KMT2C: variants seen among roughly 807,000 people sequenced by gnomAD.
KMT2C encodes the protein lysine methyltransferase 2C, also known as histone-lysine N-methyltransferase 2C.
In KMT2C, 88 loss-of-function variants were observed where a neutral mutation model predicts 507.9. The observed-to-expected ratio is 0.17, with a 90% CI of 0.15 to 0.21. The LOEUF is 0.21. Ranked by LOEUF, KMT2C falls within the 10% of genes least tolerant of loss-of-function variation. The probability of loss-of-function intolerance (pLI) is 1.00; values close to 1 mark genes in which losing one functional copy is unlikely to be tolerated. For missense variants in KMT2C, 4,954 were observed against 5,957.8 expected (o/e 0.83, Z 5.55); for synonymous variants, 2,049 against 2,080.8 (o/e 0.98, Z 0.42).
chr7:152,427,641 A>C (rs914481967), intron 1 of KMT2C, among the ~76,000 whole-genome samples: 5 of 152,182 alleles, frequency 3.3e-5, no homozygotes, highest in Non-Finnish European at 5.9e-5. Context: ...ATGAGAATAT[A>C]TTCTGATTTC....
At chr7:152,255,157 A>ATAAATATATATATATG in intron 9 of KMT2C, among the ~76,000 whole-genome samples, 1 of 128,382 alleles carries the variant, frequency 7.8e-6, no homozygotes, top group South Asian at 2.5e-4. Flanking sequence ...ATATATATAT[A>ATAAATATATATATATG]TGTGTGTGTG....
intron 7 of KMT2C, among the ~76,000 whole-genome samples, chr7:152,271,291 T>C (rs2095962655): frequency 6.6e-6 from 1 of 152,132 alleles, no homozygotes; most frequent in Admixed American, 6.5e-5. Flanking sequence ...GCAATATTCT[T>C]TAAATTATAT....
At chr7:152,254,084 TA>T (rs1015116506) in intron 9 of KMT2C, among the ~76,000 whole-genome samples, 3 of 152,272 alleles carry the variant, frequency 2.0e-5, no homozygotes, top group Admixed American at 2.0e-4. Context: ...CAGCTAGTCT[TA>T]AAGATTAAAA....
At chr7:152,302,335 T>C (rs970245442) in intron 6 of KMT2C, among the ~76,000 whole-genome samples, 1 of 152,190 alleles carries the variant, frequency 6.6e-6, no homozygotes, top group African/African-American at 2.4e-5. Context: ...GTGATTCTCC[T>C]GCCTCAGCCT....
At chr7:152,358,532 A>G in intron 2 of KMT2C, 55 bp downstream of exon 2, 1 of 1,117,916 alleles carries the variant, frequency 8.9e-7, no homozygotes. Flanking sequence ...CATGCAGTGT[A>G]CAAACATATG....
chr7:152,323,152 T>A (rs1589184547), intron 3 of KMT2C, among the ~76,000 whole-genome samples: 1 of 152,008 alleles, frequency 6.6e-6, no homozygotes, highest in East Asian at 1.9e-4. Flanking sequence ...AATTACCATA[T>A]AATCTAGTAA....
chr7:152,180,614 T>A (rs565771126), intron 36 of KMT2C, 97 bp downstream of exon 36: 14 of 945,674 alleles, frequency 1.5e-5, no homozygotes, highest in Non-Finnish European at 2.0e-5. Flanking sequence ...ATAAAAAAAA[T>A]AAAACATTAA....
chr7:152,199,428 G>T lies in KMT2C; in HGVS notation c.4124C>A (p.Thr1375Lys), dbSNP rs759226598. 3 of 1,566,500 alleles carry T rather than the reference G, an allele frequency of 1.9e-6. No individual in the cohort carries two copies. Among genetic ancestry groups the T allele is most frequent in the East Asian group, 4.7e-5 (2 of 42,482 alleles). The change falls in exon 27 of 59, where the codon ACA (threonine) becomes AAA (lysine). Residue 1375 changes from threonine to lysine, a missense_variant. By Grantham distance (78) the Thr-to-Lys change is moderately conservative. This residue lies in a region of KMT2C where 140 missense variants were observed against 118.4 expected (regional missense o/e 1.18). Coordinates refer to ENST00000262189, the MANE Select transcript of KMT2C (RefSeq NM_170606.3). ...EAFFGKDLLD[T>K]SRQSKISLDN... ...TAAACTTATCTTGCTTTGTCTACTT[G>T]TATCTAGAAGATCTTTTCCAAAGAA... is the stretch of plus-strand genomic sequence containing the variant.
rs1445388516 is a variant in KMT2C, at chr7:152,174,157, C to G, written c.9348G>C (p.Leu3116=). 6.2e-7 allele frequency: 1 copy of G among 1,608,910 alleles called. No homozygotes were observed. The highest frequency in any genetic ancestry group is 8.5e-7 in the Non-Finnish European group (1 of 1,177,032). Reference sequence around the variant, plus strand: ...TGCTCATCACCATTGGTGGCATGCCCAGATTGTTTTGTGCCATCACTTTAT... The same window carrying G: ...TGCTCATCACCATTGGTGGCATGCCGAGATTGTTTTGTGCCATCACTTTAT... ...GINKVMAQNN[L]GMPPMVMSRF... is the part of the protein sequence containing the mutation. Residue 3116 remains leucine (L), a synonymous_variant, in exon 39 of 59, where the codon CTG becomes CTC. Coordinates refer to ENST00000262189, the MANE Select transcript of KMT2C (RefSeq NM_170606.3).
At chr7:152,262,893 C>T in intron 9 of KMT2C, 123 bp downstream of exon 9, 1 of 655,082 alleles carries the variant, frequency 1.5e-6, no homozygotes, top group East Asian at 2.8e-5. Flanking sequence ...AGTTATATGT[C>T]AATAAAGCTG....
intron 9 of KMT2C, among the ~76,000 whole-genome samples, chr7:152,257,238 T>TA (rs1440752014): frequency 6.6e-6 from 1 of 152,174 alleles, no homozygotes; most frequent in Non-Finnish European, 1.5e-5. Flanking sequence ...CAGATTTTAT[T>TA]ACACGAAAAA....
At chr7:152,416,415 G>C (rs925258990) in intron 1 of KMT2C, among the ~76,000 whole-genome samples, 3 of 152,128 alleles carry the variant, frequency 2.0e-5, no homozygotes, top group Admixed American at 6.5e-5. Flanking sequence ...CATGGTGGCA[G>C]GCACCTGTAG....
At chr7:152,306,729 G>C (rs930422195) in intron 6 of KMT2C, among the ~76,000 whole-genome samples, 1 of 152,192 alleles carries the variant, frequency 6.6e-6, no homozygotes, top group African/African-American at 2.4e-5. Context: ...CAAAGAATGA[G>C]AGTACCTGTT....
Position 152,136,861 on chromosome 7 carries a change from C to T in KMT2C, c.14707G>A (p.Ala4903Thr). The T allele has an allele frequency of 6.2e-7, 1 of 1,613,568 alleles. No individual in the cohort carries two copies. Among genetic ancestry groups the T allele is most frequent in the South Asian group, 1.1e-5 (1 of 91,086 alleles). Residue 4903 changes from alanine to threonine, a missense_variant, in exon 59 of 59, where the codon GCT becomes ACT. Transcript: ENST00000262189. Reference protein sequence around the residue: ...DQHKIPCHCGAVNCRKWMN With the variant: ...DQHKIPCHCGTVNCRKWMN ...TTCATCCACTTCCGGCAGTTCACAG[C>T]TCCACAGTGACACGGAATCTTGTGC...
intron 20 of KMT2C, among the ~76,000 whole-genome samples, chr7:152,223,323 A>G (rs2094831511): frequency 6.6e-6 from 1 of 152,150 alleles, no homozygotes; most frequent in African/African-American, 2.4e-5. Flanking sequence ...ATATCTAGAT[A>G]TCTAGTATCT....
chr7:152,430,738 T>TG (rs1564233978), intron 1 of KMT2C, among the ~76,000 whole-genome samples: 1 of 152,222 alleles, frequency 6.6e-6, no homozygotes, highest in Non-Finnish European at 1.5e-5. Context: ...TTGCCCAGGC[T>TG]GGTCTCAAAC....
chr7:152,307,112 C>T (rs183495978), intron 6 of KMT2C, among the ~76,000 whole-genome samples: 1 of 151,452 alleles, frequency 6.6e-6, no homozygotes, highest in East Asian at 2.0e-4. Context: ...GAGCCGTGAT[C>T]ATGCCACTGC....
At chr7:152,407,588 C>G (rs1167986289) in intron 1 of KMT2C, among the ~76,000 whole-genome samples, 5 of 150,964 alleles carry the variant, frequency 3.3e-5, no homozygotes, top group Non-Finnish European at 4.5e-5. Context: ...CGGAGACTCA[C>G]TTGAACCCGA....
intron 9 of KMT2C, among the ~76,000 whole-genome samples, chr7:152,254,468 A>C (rs2095612601): frequency 1.3e-5 from 2 of 152,316 alleles, no homozygotes; most frequent in East Asian, 3.9e-4. Context: ...AAAAGGTCTG[A>C]GGAGAAAAAA....
Sources: allele counts gnomAD v4.1 joint callset (sites outside exome capture counted in the v4.1 genomes callset), GRCh38; gene constraint gnomAD v4.1.1; regional missense constraint gnomAD v4.1.1; transcripts MANE v1.5; gene names NCBI Gene and HGNC (gene_info 2026-07-23, HGNC 2026-07-21).